Variants in RYR2 observed in about 807,000 individuals in gnomAD.
The protein encoded by RYR2 is ryanodine receptor 2, also known as cardiac muscle ryanodine receptor-calcium release channel.
A neutral mutation model predicts 601.1 loss-of-function variants in RYR2; 227 were observed. The ratio of observed to expected loss-of-function variants is 0.38; its 90% confidence interval spans 0.34 to 0.42. The LOEUF is 0.42. Among genes scored for constraint, RYR2 ranks in the 10% least tolerant of loss-of-function variants. The pLI is 1.00. For missense variants in RYR2, 4,646 were observed against 6,156.5 expected (o/e 0.75, Z 8.21); for synonymous variants, 2,223 against 2,175.1 (o/e 1.02, Z -0.61).
chr1:237,593,566 G>C lies in RYR2; in HGVS notation c.4366G>C (p.Gly1456Arg). The change falls in exon 33 of 105, where the codon GGC (glycine) becomes CGC (arginine). Residue 1456 changes from glycine (G) to arginine (R), a missense_variant. Physicochemically the swap from Gly to Arg is moderately radical, Grantham distance 125. Around this residue, in one of 17 missense-constraint regions of RYR2, gnomAD observed 1,807 missense variants for 2,088.1 expected, o/e 0.87. Transcript: ENST00000366574. ...ATCAGATTTCCATCAGTATGACACA[G>C]GCTTTGACTTGGACAGAGTTCGCAC... ...ITSDFHQYDT[G>R]FDLDRVRTVT... is the part of the protein sequence containing the mutation. 1 of 1,613,866 alleles carries C rather than the reference G, an allele frequency of 6.2e-7. No homozygotes were observed. Among genetic ancestry groups the C allele is most frequent in the South Asian group, 1.1e-5 (1 of 91,078 alleles).
chr1:237,711,301 T>A (rs1424001424), intron 70 of RYR2, among the ~76,000 whole-genome samples: 1 of 152,222 alleles, frequency 6.6e-6, no homozygotes, highest in Non-Finnish European at 1.5e-5. Flanking sequence ...TCTTTTTATG[T>A]TCCCAAATTA....
At chr1:237,759,754 G>T in intron 82 of RYR2, 22 bp from the exon 83 acceptor site, 1 of 1,508,540 alleles carries the variant, frequency 6.6e-7, no homozygotes, top group Non-Finnish European at 9.2e-7. Context: ...CAGTGGCCAC[G>T]TGGTTTCTAT....
intron 10 of RYR2, among the ~76,000 whole-genome samples, chr1:237,389,754 G>A: frequency 6.6e-6 from 1 of 152,268 alleles, no homozygotes; most frequent in Non-Finnish European, 1.5e-5. Context: ...TTAAACTTTG[G>A]TTACAGATGA....
chr1:237,500,560 CA>C lies in RYR2; in HGVS notation c.2204-150del. On this transcript the variant is annotated intron_variant, in intron 20 of 104. Coordinates refer to ENST00000366574, the MANE Select transcript of RYR2 (RefSeq NM_001035.3). Reference sequence around the variant, plus strand: ...TTTATTTTTTTGACAAAGAGTTTAACATGTAACATGCGTTTACATTCAAGAT... The same window carrying C: ...TTTATTTTTTTGACAAAGAGTTTAACTGTAACATGCGTTTACATTCAAGAT... The C allele has an allele frequency of 4.8e-6, 3 of 626,808 alleles. No individual in the cohort carries two copies. In the East Asian group the frequency reaches 8.0e-5, roughly 17 times the overall value. The allele number at this position is 626,808 out of a possible 1,614,324, so 38.8% of individuals were successfully genotyped here.
chr1:237,674,264 G>A (rs1685204984), intron 59 of RYR2, 45 bp downstream of exon 59: 1 of 1,463,594 alleles, frequency 6.8e-7, no homozygotes, highest in South Asian at 1.2e-5. Flanking sequence ...TCACAAGAGT[G>A]AATATTTAAA....
rs184917311 is a variant in RYR2, at chr1:237,689,175, G to A, written c.9067+1671G>A. Among the ~76,000 whole-genome samples the A allele has an allele frequency of 1.9e-3, 285 of 152,316 alleles. 3 individuals are homozygous for A. The highest frequency in any genetic ancestry group is 3.4e-3 in the Middle Eastern group (1 of 294). On this transcript the variant is annotated intron_variant, in intron 63 of 104. Coordinates refer to ENST00000366574, the MANE Select transcript of RYR2 (RefSeq NM_001035.3). ...CTTAGCTACACAGGACGCTGAGATG[G>A]ATGGATCACTTGAGCCCAGGAATCT...
intron 20 of RYR2, 106 bp from the exon 21 acceptor site, chr1:237,500,605 T>A: frequency 1.2e-6 from 1 of 836,534 alleles, no homozygotes; most frequent in South Asian, 2.0e-5. Flanking sequence ...TCTGATGTTG[T>A]GCATTGGTTT....
chr1:237,749,991 C>G (rs902513573), intron 80 of RYR2, among the ~76,000 whole-genome samples: 1 of 151,806 alleles, frequency 6.6e-6, no homozygotes, highest in Non-Finnish European at 1.5e-5. Flanking sequence ...GCTAAAAATA[C>G]AAAAATTAGC....
At chr1:237,767,871 C>A (rs1573870239) in intron 84 of RYR2, among the ~76,000 whole-genome samples, 1 of 152,104 alleles carries the variant, frequency 6.6e-6, no homozygotes, top group African/African-American at 2.4e-5. Flanking sequence ...GCATAATTTC[C>A]TCTATGGCAG....
chr1:237,293,085 C>T (rs1042230075), intron 2 of RYR2, among the ~76,000 whole-genome samples: 1 of 152,130 alleles, frequency 6.6e-6, no homozygotes, highest in African/African-American at 2.4e-5. Flanking sequence ...AAGCAATTCT[C>T]CAGCAATACT....
intron 104 of RYR2, among the ~76,000 whole-genome samples, chr1:237,832,306 C>G (rs896443266): frequency 6.6e-6 from 1 of 151,946 alleles, no homozygotes; most frequent in African/African-American, 2.4e-5. Context: ...CCCACCTCAG[C>G]CTCCCAAAAT....
At chr1:237,697,071 T>C (rs1294965217) in intron 63 of RYR2, among the ~76,000 whole-genome samples, 1 of 151,810 alleles carries the variant, frequency 6.6e-6, no homozygotes. Context: ...TCTCCCAACC[T>C]CTCCAACTCA....
chr1:237,284,956 ACGATCATGTCATC>A (rs1691380425), intron 2 of RYR2, among the ~76,000 whole-genome samples: 1 of 152,098 alleles, frequency 6.6e-6, no homozygotes, highest in African/African-American at 2.4e-5. Context: ...TTCAAGGTAA[ACGATCATGTCATC>A]CGCAAACAGT....
intron 1 of RYR2, among the ~76,000 whole-genome samples, chr1:237,119,763 G>A (rs1481969194): frequency 6.6e-6 from 1 of 152,166 alleles, no homozygotes; most frequent in African/African-American, 2.4e-5. Context: ...AGGGAGACCT[G>A]GGGGAAAGCC....
At chr1:237,778,884 T>A (rs1694875381) in intron 88 of RYR2, 114 bp downstream of exon 88, 1 of 546,936 alleles carries the variant, frequency 1.8e-6, no homozygotes, top group Admixed American at 3.0e-5. Context: ...AATCACTTTA[T>A]CACTTGTCTT....
chr1:237,639,845 G>A (rs186976493), intron 46 of RYR2, among the ~76,000 whole-genome samples: 1 of 152,248 alleles, frequency 6.6e-6, no homozygotes, highest in East Asian at 1.9e-4. Context: ...TGGTAAAGAT[G>A]TAACATAGGG....
rs185711118 is a variant in RYR2, at chr1:237,214,580, A to G, written c.49-55917A>G. Among the ~76,000 whole-genome samples the G allele has an allele frequency of 5.3e-5, 8 of 152,252 alleles. No homozygotes were observed. In the East Asian group the frequency reaches 1.2e-3, roughly 22 times the overall value. ...AGGTATTCATGAGAGCTCTGCCCCT[A>G]TGTTCCAAACACTTCCTACCGGGTT... On this transcript the variant is annotated intron_variant, in intron 1 of 104. Coordinates refer to ENST00000366574, the MANE Select transcript of RYR2 (RefSeq NM_001035.3).
At chr1:237,448,342 A>G (rs574249711) in intron 14 of RYR2, among the ~76,000 whole-genome samples, 1 of 152,300 alleles carries the variant, frequency 6.6e-6, no homozygotes, top group East Asian at 1.9e-4. Flanking sequence ...TTCTAATTTA[A>G]TGCCATTATG....
intron 1 of RYR2, among the ~76,000 whole-genome samples, chr1:237,182,976 C>G (rs1678951372): frequency 6.6e-6 from 1 of 152,124 alleles, no homozygotes; most frequent in East Asian, 1.9e-4. Context: ...TCCCATTTAT[C>G]TGGTGAAACA....
Sources: allele counts gnomAD v4.1 joint callset (sites outside exome capture counted in the v4.1 genomes callset), GRCh38; gene constraint gnomAD v4.1.1; regional missense constraint gnomAD v4.1.1; transcripts MANE v1.5; gene names NCBI Gene and HGNC (gene_info 2026-07-23, HGNC 2026-07-21).